SOX15: variants seen among roughly 807,000 people sequenced by gnomAD.
SOX15 encodes the protein SRY-box transcription factor 15, also known as transcription factor SOX-15.
Under a neutral mutation model 15.9 loss-of-function variants are expected in SOX15, and 12 were observed. That is an observed-to-expected ratio of 0.75 (90% CI 0.48 to 1.22). SOX15 has a LOEUF of 1.22. Among genes scored for constraint, SOX15 ranks in the 50% most tolerant of loss-of-function variants. The probability of loss-of-function intolerance (pLI) is 0.00; values close to 1 mark genes in which losing one functional copy is unlikely to be tolerated. For synonymous variants in SOX15, 149 were observed against 142.8 expected, an observed-to-expected ratio of 1.04 and a Z score of -0.31; for missense variants, 309 against 313.9, an observed-to-expected ratio of 0.98 and a Z score of 0.12.
At chr17:7,589,089 C>A (rs899497095) in intron 1 of SOX15, 55 bp downstream of exon 1, 1 of 1,417,552 alleles carries the variant, frequency 7.1e-7, no homozygotes, top group Non-Finnish European at 9.3e-7. Context: ...CCCACCAAGG[C>A]TCCAGAAGAG....
chr17:7,588,498 C>A lies in SOX15; in HGVS notation c.582G>T (p.Gln194His). The A allele has an allele frequency of 6.2e-7, 1 of 1,613,892 alleles. No individual in the cohort carries two copies. The highest frequency in any genetic ancestry group is 8.5e-7 in the Non-Finnish European group (1 of 1,179,976). Residue 194 changes from glutamine (Q) to histidine (H), a missense_variant, in exon 2 of 2, where the codon CAG (glutamine) becomes CAT (histidine). Gln to His is a conservative substitution (Grantham distance 24). Coordinates refer to ENST00000250055, the MANE Select transcript of SOX15 (RefSeq NM_006942.2). Reference sequence around the variant, plus strand: ...GTTCCCCCTGGAGCCTAGGGTCACTCTGAGGGAGGGAGCACGGTGAGGGGG... The same window carrying A: ...GTTCCCCCTGGAGCCTAGGGTCACTATGAGGGAGGGAGCACGGTGAGGGGG... ...LEAPSPCSLP[Q>H]SDPRLQGELL...
In SOX15 at chr17:7,589,724, C is replaced by A. The variant is rs930851969; in HGVS notation, c.-48G>T. ...GGCGTCCTGAATGCCCTCCCCTCAA[C>A]GTGAAGCGTCGATCCTGAAAATGGA... On this transcript the variant is annotated 5_prime_UTR_variant, in exon 1 of 2. Coordinates refer to ENST00000250055, the MANE Select transcript of SOX15 (RefSeq NM_006942.2). 2 of 1,444,680 alleles carry A rather than the reference C, an allele frequency of 1.4e-6. No individual in the cohort carries two copies. Among genetic ancestry groups the A allele is most frequent in the Non-Finnish European group, 1.8e-6 (2 of 1,088,512 alleles). The allele number at this position is 1,444,680 out of a possible 1,614,324, so 89.5% of individuals were successfully genotyped here. A position where few individuals can be genotyped will look rare whatever the true frequency, so the allele number is the denominator to read the frequency against.
In SOX15 at chr17:7,589,168, G is replaced by A; in HGVS notation, c.509C>T (p.Thr170Ile). 1.3e-6 allele frequency: 2 copies of A among 1,507,784 alleles called. No individual in the cohort carries two copies. Among genetic ancestry groups the A allele is most frequent in the South Asian group, 1.3e-5 (1 of 79,622 alleles). 93.4% of individuals were successfully genotyped at this position (1,507,784 alleles called of 1,614,324 possible). ...GFGYRPPSYS[T>I]AYLPGSYGSS... is the part of the protein sequence containing the mutation. Reference sequence around the variant, plus strand: ...CCCATAGCTGCCAGGCAGGTAGGCTGTCGAGTAGCTGGGGGGTCTGTACCC... The same window carrying A: ...CCCATAGCTGCCAGGCAGGTAGGCTATCGAGTAGCTGGGGGGTCTGTACCC... Residue 170 changes from threonine to isoleucine, a missense_variant, in exon 1 of 2, where the codon ACA (threonine) becomes ATA (isoleucine). By Grantham distance (89) the Thr-to-Ile change is moderately conservative. Coordinates refer to ENST00000250055, the MANE Select transcript of SOX15 (RefSeq NM_006942.2).
chr17:7,588,916 C>T, intron 1 of SOX15: 1 of 589,706 alleles, frequency 1.7e-6, no homozygotes, highest in Non-Finnish European at 3.0e-6. Context: ...AGTCACCTGA[C>T]CCTACAGGGC....
chr17:7,588,692 G>T (rs2071624969), intron 1 of SOX15, 146 bp from the exon 2 acceptor site: 2 of 874,160 alleles, frequency 2.3e-6, no homozygotes, highest in Admixed American at 2.0e-5. Context: ...AGCCGACCCC[G>T]GGATGGAGAG....
intron 1 of SOX15, 150 bp downstream of exon 1, chr17:7,588,993 GC>G (rs1245222938): frequency 3.0e-6 from 2 of 673,558 alleles, no homozygotes; most frequent in Non-Finnish European, 2.4e-6. Context: ...CCCTACACAG[GC>G]CCCGGAGGTA....
Position 7,589,617 on chromosome 17 carries a change from C to T in SOX15, c.60G>A (p.Thr20=), listed in dbSNP as rs1345472965. Residue 20 remains threonine, a synonymous_variant, in exon 1 of 2, where the codon ACG becomes ACA. Transcript: ENST00000250055. ...GTCCCGAAGATGAGGAGGCAGCAGC[C>T]GTGGCAGCCGGAGGCTCCAGGCTCC... ...QAWSLEPPAA[T]AAASSSSGPQ... The T allele has an allele frequency of 1.9e-6, 3 of 1,554,752 alleles. No homozygotes were observed. Among genetic ancestry groups the T allele is most frequent in the Non-Finnish European group, 2.6e-6 (3 of 1,152,622 alleles).
Position 7,589,204 on chromosome 17 carries a change from C to T in SOX15, c.473G>A (p.Ser158Asn), listed in dbSNP as rs2071630204. 6.5e-7 allele frequency: 1 copy of T among 1,538,714 alleles called. No homozygotes were observed. ...WGPGYATTQPSRGFGYRPPSY... is the reference protein window; with the variant it reads ...WGPGYATTQPNRGFGYRPPSY... ...GGGGGGTCTGTACCCAAAGCCTCTG[C>T]TCGGTTGGGTGGTCGCGTACCCCGG... is the stretch of plus-strand genomic sequence containing the variant. Residue 158 changes from serine (S) to asparagine (N), a missense_variant, in exon 1 of 2, where the codon AGC becomes AAC. Transcript: ENST00000250055.
Position 7,588,194 on chromosome 17 carries a change from T to C in SOX15, c.*184A>G, listed in dbSNP as rs745574848. 4 of 748,036 alleles carry C rather than the reference T, an allele frequency of 5.3e-6. No individual in the cohort carries two copies. The Admixed American group carries it at 7.7e-5, about 14-fold the overall frequency. The allele number at this position is 748,036 out of a possible 1,614,324, so 46.3% of individuals were successfully genotyped here. ...GAGACTCAGTTGAATAATACAAAACTGTTTAATACTACCAAAAATATAATT... is the reference window on the plus strand; with the variant it reads ...GAGACTCAGTTGAATAATACAAAACCGTTTAATACTACCAAAAATATAATT... On this transcript the variant is annotated 3_prime_UTR_variant, in exon 2 of 2. Coordinates refer to ENST00000250055, the MANE Select transcript of SOX15 (RefSeq NM_006942.2).
At position 7,589,335 on chromosome 17, in the gene SOX15, G is replaced by A; in HGVS notation, c.342C>T (p.Pro114=). 4 of 1,607,298 alleles carry A rather than the reference G, an allele frequency of 2.5e-6. No individual in the cohort carries two copies. The highest frequency in any genetic ancestry group is 3.3e-4 in the Middle Eastern group (2 of 6,040). Residue 114 remains proline (P), a synonymous_variant, in exon 1 of 2, where the codon CCC becomes CCT. Coordinates refer to ENST00000250055, the MANE Select transcript of SOX15 (RefSeq NM_006942.2). Reference sequence around the variant, plus strand: ...TGCGCCGAGGCCGGTACTTGTAGTCGGGGTAGTCGCGCAGGTGTCGGGCGC... The same window carrying A: ...TGCGCCGAGGCCGGTACTTGTAGTCAGGGTAGTCGCGCAGGTGTCGGGCGC... The part of the protein sequence containing the change: ...RLRARHLRDY[P]DYKYRPRRKA...
rs1597868069 is a variant in SOX15 at position 7,589,594 on chromosome 17, C to G, written c.83G>C (p.Gly28Ala). The change falls in exon 1 of 2, where the codon GGA becomes GCA. Residue 28 changes from glycine (G) to alanine (A), a missense_variant. Physicochemically the swap from Gly to Ala is moderately conservative, Grantham distance 60. Coordinates refer to ENST00000250055, the MANE Select transcript of SOX15 (RefSeq NM_006942.2). ...CCCAGCGCCCTCCCGCTCCTGGGGTCCCGAAGATGAGGAGGCAGCAGCCGT... is the reference window on the plus strand; with the variant it reads ...CCCAGCGCCCTCCCGCTCCTGGGGTGCCGAAGATGAGGAGGCAGCAGCCGT... ...AATAAASSSS[G>A]PQEREGAGSP... The G allele has an allele frequency of 5.1e-6, 8 of 1,569,774 alleles. No homozygotes were observed. In the East Asian group the frequency reaches 1.6e-4, roughly 32 times the overall value.
chr17:7,589,280 G>T lies in SOX15; in HGVS notation c.397C>A (p.Arg133Ser), dbSNP rs373408739. ...KAKSSGAGPS[R>S]CGQGRGNLAS... is the part of the protein sequence containing the mutation. ...AGGTTGCCTCTTCCCTGTCCGCAGC[G>T]GGAAGGTCCGGCGCCCGAGCTCTTG... The change falls in exon 1 of 2, where the codon CGC becomes AGC. Residue 133 changes from arginine to serine, a missense_variant. Transcript: ENST00000250055. 50 of 1,570,486 alleles carry T rather than the reference G, an allele frequency of 3.2e-5. 1 individual carries two copies. Among genetic ancestry groups the T allele is most frequent in the Non-Finnish European group, 4.0e-5 (46 of 1,158,258 alleles).
Position 7,589,590 on chromosome 17 carries a change from G to T in SOX15, c.87C>A (p.Pro29=). 6.4e-7 allele frequency: 1 copy of T among 1,571,606 alleles called. No individual in the cohort carries two copies. Among genetic ancestry groups the T allele is most frequent in the East Asian group, 2.3e-5 (1 of 42,672 alleles). The change falls in exon 1 of 2, where the codon CCC becomes CCA. Residue 29 remains proline, a synonymous_variant. Coordinates refer to ENST00000250055, the MANE Select transcript of SOX15 (RefSeq NM_006942.2). The part of the protein sequence containing the change: ...ATAAASSSSG[P]QEREGAGSPA... ...GGCTCCCAGCGCCCTCCCGCTCCTG[G>T]GGTCCCGAAGATGAGGAGGCAGCAG...
chr17:7,589,714 C>T lies in SOX15; in HGVS notation c.-38G>A. On this transcript the variant is annotated 5_prime_UTR_variant, in exon 1 of 2. Coordinates refer to ENST00000250055, the MANE Select transcript of SOX15 (RefSeq NM_006942.2). Reference sequence around the variant, plus strand: ...GCCTTAAGAGGGCGTCCTGAATGCCCTCCCCTCAACGTGAAGCGTCGATCC... The same window carrying T: ...GCCTTAAGAGGGCGTCCTGAATGCCTTCCCCTCAACGTGAAGCGTCGATCC... 3 of 1,488,212 alleles carry T rather than the reference C, an allele frequency of 2.0e-6. No homozygotes were observed. Among genetic ancestry groups the T allele is most frequent in the Non-Finnish European group, 2.7e-6 (3 of 1,121,118 alleles). 92.2% of individuals were successfully genotyped at this position (1,488,212 alleles called of 1,614,324 possible). A position where few individuals can be genotyped will look rare whatever the true frequency, so the allele number is the denominator to read the frequency against.
chr17:7,588,454 T>G lies in SOX15; in HGVS notation c.626A>C (p.His209Pro). The change falls in exon 2 of 2, where the codon CAC becomes CCC. Residue 209 changes from histidine (H) to proline (P), a missense_variant. Coordinates refer to ENST00000250055, the MANE Select transcript of SOX15 (RefSeq NM_006942.2). ...LQGELLPTYTHYLPPGSPTPY... is the reference protein window; with the variant it reads ...LQGELLPTYTPYLPPGSPTPY... ...AGTGGGAGAGCCAGGGGGCAGGTAGTGGGTATAGGTGGGCAGCAGTTCCCC... is the reference window on the plus strand; with the variant it reads ...AGTGGGAGAGCCAGGGGGCAGGTAGGGGGTATAGGTGGGCAGCAGTTCCCC... The G allele has an allele frequency of 6.2e-7, 1 of 1,613,214 alleles. No individual in the cohort carries two copies. The highest frequency in any genetic ancestry group is 2.2e-5 in the East Asian group (1 of 44,844).
chr17:7,588,303 A>C lies in SOX15; in HGVS notation c.*75T>G, dbSNP rs2071619059. ...TAGTCCAACAGGAGAAAGGGTTGACAGCCTGGGGTAGGGGATGCTGCTGGA... is the reference window on the plus strand; with the variant it reads ...TAGTCCAACAGGAGAAAGGGTTGACCGCCTGGGGTAGGGGATGCTGCTGGA... On this transcript the variant is annotated 3_prime_UTR_variant, in exon 2 of 2. Coordinates refer to ENST00000250055, the MANE Select transcript of SOX15 (RefSeq NM_006942.2). The C allele has an allele frequency of 1.4e-6, 2 of 1,455,160 alleles. No individual in the cohort carries two copies. Among genetic ancestry groups the C allele is most frequent in the African/African-American group, 1.4e-5 (1 of 71,848 alleles). The allele number at this position is 1,455,160 out of a possible 1,614,324, so 90.1% of individuals were successfully genotyped here. A position where few individuals can be genotyped will look rare whatever the true frequency, so the allele number is the denominator to read the frequency against.
chr17:7,588,220 G>T lies in SOX15; in HGVS notation c.*158C>A, dbSNP rs1423544151. On this transcript the variant is annotated 3_prime_UTR_variant, in exon 2 of 2. Coordinates refer to ENST00000250055, the MANE Select transcript of SOX15 (RefSeq NM_006942.2). ...GTTTAATACTACCAAAAATATAATT[G>T]TATGTTGTGCGGCTCTCCCTGGCTA... 1 of 797,914 alleles carries T rather than the reference G, an allele frequency of 1.3e-6. No homozygotes were observed. The highest frequency in any genetic ancestry group is 1.4e-5 in the South Asian group (1 of 74,014). 49.4% of individuals were successfully genotyped at this position (797,914 alleles called of 1,614,324 possible). A position where few individuals can be genotyped will look rare whatever the true frequency, so the allele number is the denominator to read the frequency against.
Position 7,588,252 on chromosome 17 carries a change from G to T in SOX15, c.*126C>A. On this transcript the variant is annotated 3_prime_UTR_variant, in exon 2 of 2. Coordinates refer to ENST00000250055, the MANE Select transcript of SOX15 (RefSeq NM_006942.2). The stretch of plus-strand genomic sequence containing the variant: ...GTGCGGCTCTCCCTGGCTATCATGG[G>T]AGGACTGCAGGCTGCCTCTGAACTG... The T allele has an allele frequency of 1.1e-6, 1 of 909,590 alleles. No homozygotes were observed. The highest frequency in any genetic ancestry group is 1.9e-6 in the Non-Finnish European group (1 of 536,866). The allele number at this position is 909,590 out of a possible 1,614,324, so 56.3% of individuals were successfully genotyped here.
intron 1 of SOX15, chr17:7,588,881 T>G: frequency 1.7e-6 from 1 of 589,430 alleles, no homozygotes; most frequent in Non-Finnish European, 3.0e-6. Flanking sequence ...GGCATCTAAC[T>G]AGGACACAGT....
Sources: gnomAD v4.1 joint callset for allele counts on GRCh38, gnomAD v4.1.1 for gene constraint, MANE v1.5 for transcripts, NCBI Gene and HGNC (gene_info 2026-07-23, HGNC 2026-07-21) for gene names.